Variants in NETO1 observed in about 807,000 individuals in gnomAD.
NETO1 encodes the protein neuropilin and tolloid-like protein 1.
NETO1 carries 26 observed loss-of-function variants against 61.3 expected under a neutral mutation model. The observed-to-expected ratio is 0.42, with a 90% confidence interval of 0.31 to 0.59. The LOEUF (loss-of-function observed/expected upper bound fraction) is 0.59, where lower values mean the gene tolerates loss of function less well. Ranked by LOEUF, NETO1 falls within the 20% of genes least tolerant of loss-of-function variation. The pLI is 0.12. For synonymous variants in NETO1, 225 were observed against 225.8 expected (o/e 1.00, Z 0.03); for missense variants, 531 against 662.8 (o/e 0.80, Z 2.18).
chr18:72,750,814 C>T (rs779025915), intron 8 of NETO1, among the ~76,000 whole-genome samples, 194 bp from the exon 9 acceptor site: 7 of 149,030 alleles, frequency 4.7e-5, no homozygotes, highest in Non-Finnish European at 8.9e-5. Flanking sequence ...CAAAAAAATC[C>T]ACTGAGCAGC....
intron 4 of NETO1, among the ~76,000 whole-genome samples, chr18:72,801,970 G>T (rs1436632564): frequency 6.6e-6 from 1 of 151,832 alleles, no homozygotes; most frequent in Non-Finnish European, 1.5e-5. Context: ...ATTTCAAACA[G>T]GTTTCTTATG....
At chr18:72,854,675 A>C (rs1297559632) in intron 4 of NETO1, among the ~76,000 whole-genome samples, 1 of 152,224 alleles carries the variant, frequency 6.6e-6, no homozygotes, top group Non-Finnish European at 1.5e-5. Flanking sequence ...TCTGCTCAAA[A>C]GGCATTCTTA....
At chr18:72,766,292 A>G (rs2071158374) in intron 7 of NETO1, among the ~76,000 whole-genome samples, 1 of 151,692 alleles carries the variant, frequency 6.6e-6, no homozygotes, top group South Asian at 2.1e-4. Flanking sequence ...GTGGTACTCT[A>G]CACAAACAAA....
chr18:72,751,311 T>C (rs1040317915), intron 8 of NETO1, among the ~76,000 whole-genome samples: 26 of 152,218 alleles, frequency 1.7e-4, no homozygotes, highest in Non-Finnish European at 3.7e-4. Flanking sequence ...ATCTACTAAA[T>C]GTCCTTAGGA....
chr18:72,742,661 T>C (rs1555679491), downstream of NETO1: 1 of 152,192 alleles, frequency 6.6e-6, no homozygotes, highest in Non-Finnish European at 1.5e-5. Flanking sequence ...TACACATTGG[T>C]GAAGAGTGTT....
In NETO1 at chr18:72,842,613, T is replaced by C. The variant is rs570799295; in HGVS notation, c.469+16213A>G. ...CCGAGAACAACTGAAATCATCCCAA[T>C]AGAATCACAAAGATTGAACAAATTG... On this transcript the variant is annotated intron_variant, in intron 4 of 10. Coordinates refer to ENST00000327305, the MANE Select transcript of NETO1 (RefSeq NM_138966.5). 4.2e-4 allele frequency among the ~76,000 whole-genome samples: 64 copies of C among 152,218 alleles called. 1 individual carries two copies. Among genetic ancestry groups the C allele is most frequent in the Middle Eastern group, 3.4e-3 (1 of 294 alleles).
chr18:72,753,144 A>C (rs1349119346), intron 8 of NETO1, among the ~76,000 whole-genome samples: 1 of 152,174 alleles, frequency 6.6e-6, no homozygotes. Flanking sequence ...AAACTTAATT[A>C]GAAAACTCAC....
chr18:72,852,247 C>G (rs1274042623), intron 4 of NETO1, among the ~76,000 whole-genome samples: 1 of 152,202 alleles, frequency 6.6e-6, no homozygotes, highest in Non-Finnish European at 1.5e-5. Context: ...TGGAGTCTCG[C>G]TCTGTGGCCC....
At chr18:72,784,354 AAGAC>A (rs61025651) in intron 6 of NETO1, among the ~76,000 whole-genome samples, 51,950 of 151,860 alleles carry the variant, frequency 0.34, 9,168 homozygotes, top group Admixed American at 0.47. Flanking sequence ...ATGATACTGA[AAGAC>A]AGTCTCTCTG....
chr18:72,853,412 A>C (rs2074315950), intron 4 of NETO1: 1 of 152,684 alleles, frequency 6.5e-6, no homozygotes, highest in Non-Finnish European at 1.5e-5. Context: ...AAGACAACAC[A>C]TACTGACCTA....
At chr18:72,806,249 T>C (rs1165641809) in intron 4 of NETO1, among the ~76,000 whole-genome samples, 1 of 152,178 alleles carries the variant, frequency 6.6e-6, no homozygotes, top group Non-Finnish European at 1.5e-5. Context: ...TACTGATGGA[T>C]TGGGTGTGGG....
chr18:72,843,794 A>G (rs1236080091), intron 4 of NETO1, among the ~76,000 whole-genome samples: 1 of 152,216 alleles, frequency 6.6e-6, no homozygotes, highest in Non-Finnish European at 1.5e-5. Context: ...CCCGCCAAAA[A>G]ACTGGTGCCA....
chr18:72,862,869 A>G (rs748111593), intron 3 of NETO1, among the ~76,000 whole-genome samples: 19 of 151,872 alleles, frequency 1.3e-4, no homozygotes, highest in Non-Finnish European at 2.1e-4. Flanking sequence ...ATCCGCCCAC[A>G]TCGGCCTCCT....
At chr18:72,862,769 C>T (rs890779460) in intron 3 of NETO1, among the ~76,000 whole-genome samples, 9 of 152,070 alleles carry the variant, frequency 5.9e-5, no homozygotes, top group Admixed American at 4.6e-4. Flanking sequence ...TACAGGTGCA[C>T]GCCACCACGC....
rs1168479802 is a variant in NETO1, at chr18:72,782,184, C to CT, written c.868+1493dup. Among the ~76,000 whole-genome samples, 5 of 152,282 alleles carry CT rather than the reference C, an allele frequency of 3.3e-5. No individual in the cohort carries two copies. In the East Asian group the frequency reaches 9.6e-4, roughly 29 times the overall value. The stretch of plus-strand genomic sequence containing the variant: ...TTGCTGCAAAGTACATGGTATCATT[C>CT]TTTTTTATGGCTACATAGTATTCCA... On this transcript the variant is annotated intron_variant, in intron 7 of 10. Coordinates refer to ENST00000327305, the MANE Select transcript of NETO1 (RefSeq NM_138966.5).
intron 4 of NETO1, among the ~76,000 whole-genome samples, chr18:72,820,625 G>A (rs1458067265): frequency 2.0e-5 from 3 of 152,230 alleles, no homozygotes. Context: ...TACTCTGGAT[G>A]CGTCTGGATG....
At chr18:72,757,874 G>T (rs9947413) in intron 7 of NETO1, among the ~76,000 whole-genome samples, 109,886 of 151,922 alleles carry the variant, frequency 0.72, 39,941 homozygotes, top group African/African-American at 0.77. Flanking sequence ...TTTTGGCAAA[G>T]TTTATATTAG....
intron 4 of NETO1, among the ~76,000 whole-genome samples, chr18:72,822,163 G>A (rs1412224699): frequency 6.6e-6 from 1 of 152,200 alleles, no homozygotes; most frequent in Admixed American, 6.5e-5. Flanking sequence ...CAGCTGTAGT[G>A]GAATTTGTGT....
chr18:72,843,578 T>C (rs2073998324), intron 4 of NETO1, among the ~76,000 whole-genome samples: 1 of 152,188 alleles, frequency 6.6e-6, no homozygotes, highest in African/African-American at 2.4e-5. Flanking sequence ...TCATTTCATA[T>C]GCGGTGTAGC....
Sources: allele counts gnomAD v4.1 joint callset (sites outside exome capture counted in the v4.1 genomes callset), GRCh38; gene constraint gnomAD v4.1.1; transcripts MANE v1.5; gene names NCBI Gene and HGNC (gene_info 2026-07-23, HGNC 2026-07-21).